Variants in LRRC37A2 observed in about 807,000 individuals in gnomAD.
LRRC37A2 encodes the protein leucine-rich repeat-containing protein 37A2.
In LRRC37A2, 9 loss-of-function variants were observed where a neutral mutation model predicts 68.8. That is an observed-to-expected ratio of 0.13 (90% CI 0.08 to 0.23). The LOEUF (loss-of-function observed/expected upper bound fraction) is 0.23, where lower values mean the gene tolerates loss of function less well. Among genes scored for constraint, LRRC37A2 ranks in the 10% least tolerant of loss-of-function variants. The pLI, the probability that LRRC37A2 is intolerant of heterozygous loss-of-function variation, is 1.00. For synonymous variants in LRRC37A2, 63 were observed against 367.6 expected (o/e 0.17, Z 9.48); for missense variants, 168 against 950.4 (o/e 0.18, Z 10.82).
the LRRC37A2 span, among the ~76,000 whole-genome samples, chr17:46,635,814 T>TGTGTGC: frequency 1.4e-5 from 2 of 141,992 alleles, 1 homozygote; most frequent in Non-Finnish European, 3.2e-5. Flanking sequence ...TGTGTGTGTG[T>TGTGTGC]GTGTGCTCGT....
the LRRC37A2 span, among the ~76,000 whole-genome samples, chr17:46,461,983 G>A: frequency 4.1e-5 from 3 of 73,312 alleles, no homozygotes. Context: ...GGTAACAAAA[G>A]TGAAACTCCA....
At chr17:46,769,852 C>T in the LRRC37A2 span, 14 of 1,613,374 alleles carry the variant, frequency 8.7e-6, no homozygotes, top group Admixed American at 3.3e-5. Flanking sequence ...CGCGCGCATC[C>T]GCGAACTCCC....
the LRRC37A2 span, among the ~76,000 whole-genome samples, chr17:46,906,284 A>G: frequency 6.6e-6 from 1 of 152,194 alleles, no homozygotes; most frequent in Non-Finnish European, 1.5e-5. Context: ...TCTCCCATAA[A>G]AAATAGACAT....
At chr17:47,030,143 C>G in the LRRC37A2 span, among the ~76,000 whole-genome samples, 1 of 135,562 alleles carries the variant, frequency 7.4e-6, no homozygotes, top group Non-Finnish European at 1.6e-5. Context: ...CATCATCTAG[C>G]CAGCTTCACT....
chr17:46,760,284 A>G, the LRRC37A2 span, among the ~76,000 whole-genome samples: 1 of 151,970 alleles, frequency 6.6e-6, no homozygotes, highest in Non-Finnish European at 1.5e-5. Flanking sequence ...TACGATTACA[A>G]ATGGTCTTCA....
chr17:46,967,715 A>G, the LRRC37A2 span, among the ~76,000 whole-genome samples: 1 of 151,728 alleles, frequency 6.6e-6, no homozygotes, highest in African/African-American at 2.4e-5. Flanking sequence ...TCAAGCATTC[A>G]GACAGTTCTG....
chr17:46,862,036 G>A, the LRRC37A2 span, among the ~76,000 whole-genome samples: 3 of 151,852 alleles, frequency 2.0e-5, no homozygotes, highest in Non-Finnish European at 2.9e-5. Flanking sequence ...GGTGACAGCC[G>A]CTTGTAATCC....
At chr17:46,708,822 A>ATAT in the LRRC37A2 span, among the ~76,000 whole-genome samples, 50 of 108,858 alleles carry the variant, frequency 4.6e-4, no homozygotes, top group African/African-American at 7.2e-4. Context: ...ATATATATAT[A>ATAT]TTTTTTTTTT....
At chr17:46,884,803 G>A in the LRRC37A2 span, among the ~76,000 whole-genome samples, 3 of 152,270 alleles carry the variant, frequency 2.0e-5, no homozygotes, top group East Asian at 1.9e-4. Flanking sequence ...CAGTGAAGGC[G>A]ACAGCTGGAC....
chr17:46,801,872 C>A, the LRRC37A2 span, among the ~76,000 whole-genome samples: 1 of 152,122 alleles, frequency 6.6e-6, no homozygotes. Context: ...TGTGCCAGTT[C>A]GACCCTAGTG....
At chr17:46,797,091 A>T in the LRRC37A2 span, among the ~76,000 whole-genome samples, 1 of 152,206 alleles carries the variant, frequency 6.6e-6, no homozygotes, top group African/African-American at 2.4e-5. Flanking sequence ...CACTGGCAGG[A>T]CCTCTCAGTG....
chr17:46,822,011 A>G, the LRRC37A2 span, among the ~76,000 whole-genome samples: 6 of 152,238 alleles, frequency 3.9e-5, no homozygotes, highest in Non-Finnish European at 2.9e-5. Flanking sequence ...TGGGGCTGCC[A>G]GGCGGGAGTC....
the LRRC37A2 span, among the ~76,000 whole-genome samples, chr17:46,916,046 G>C: frequency 6.6e-6 from 1 of 152,176 alleles, no homozygotes; most frequent in African/African-American, 2.4e-5. Context: ...ACAATAATGA[G>C]AGTGGATGCA....
At chr17:46,844,732 G>A in the LRRC37A2 span, among the ~76,000 whole-genome samples, 1 of 152,156 alleles carries the variant, frequency 6.6e-6, no homozygotes. Context: ...AAATCTATAG[G>A]ATGTTATTTA....
chr17:46,879,019 A>G, the LRRC37A2 span, among the ~76,000 whole-genome samples: 1 of 152,216 alleles, frequency 6.6e-6, no homozygotes, highest in Non-Finnish European at 1.5e-5. Flanking sequence ...CCTGGGGACT[A>G]GAGTGACCAC....
At chr17:46,855,083 C>T in the LRRC37A2 span, among the ~76,000 whole-genome samples, 5 of 146,490 alleles carry the variant, frequency 3.4e-5, no homozygotes, top group Non-Finnish European at 7.5e-5. Flanking sequence ...CAGTCAGTCA[C>T]CCAGTGTTAC....
At chr17:46,966,647 C>G in the LRRC37A2 span, 1 of 600,568 alleles carries the variant, frequency 1.7e-6, no homozygotes, top group Non-Finnish European at 3.0e-6. Flanking sequence ...CCACCCTGAC[C>G]TCCAAATACC....
the LRRC37A2 span, among the ~76,000 whole-genome samples, chr17:46,883,837 C>G: frequency 6.6e-6 from 1 of 152,190 alleles, no homozygotes; most frequent in Non-Finnish European, 1.5e-5. Flanking sequence ...CTGCATACCG[C>G]AAAGAGGAGG....
chr17:46,532,141 C>CAT (rs1181069692), intron 6 of LRRC37A2, among the ~76,000 whole-genome samples: 1 of 149,628 alleles, frequency 6.7e-6, no homozygotes, highest in Non-Finnish European at 1.5e-5. Context: ...TCAGATGATC[C>CAT]ACCTGCTTCA....
Sources: gnomAD v4.1 joint callset for allele counts (sites outside exome capture counted in the v4.1 genomes callset) on GRCh38, gnomAD v4.1.1 for gene constraint, MANE v1.5 for transcripts, NCBI Gene and HGNC (gene_info 2026-07-23, HGNC 2026-07-21) for gene names.